The following DHRSX variants were observed in gnomAD, a reference collection of about 807,000 sequenced individuals.
The protein encoded by DHRSX is dehydrogenase/reductase X-linked.
DHRSX carries 31 observed loss-of-function variants against 34.0 expected under a neutral mutation model. The ratio of observed to expected loss-of-function variants is 0.91; its 90% CI spans 0.69 to 1.23. DHRSX has a LOEUF of 1.23. Ranked by LOEUF, DHRSX falls within the 50% of genes most tolerant of loss-of-function variation. DHRSX has a pLI of 0.00. For synonymous variants in DHRSX, 201 were observed against 183.8 expected (o/e 1.09, Z -0.76); for missense variants, 414 against 428.1 (o/e 0.97, Z 0.29).
chrX:2,361,627 G>A (rs1349705748), intron 3 of DHRSX, among the ~76,000 whole-genome samples: 3 of 152,138 alleles, frequency 2.0e-5, no homozygotes. Context: ...GACAAAGAAG[G>A]ATACAGAGAG....
Position 2,485,639 on chromosome X carries a change from GGGAA to G in DHRSX, c.109+15174_109+15177del, listed in dbSNP as rs1242842916. On this transcript the variant is annotated intron_variant, in intron 1 of 6. Coordinates refer to ENST00000334651, the MANE Select transcript of DHRSX (RefSeq NM_145177.3). ...GGGAAGGAAGGAGGGAGGGAGGAGAGGGAAGGAGGGAGGGAGGGATGGGGGAAGG... is the reference window on the plus strand; with the variant it reads ...GGGAAGGAAGGAGGGAGGGAGGAGAGGGAGGGAGGGAGGGATGGGGGAAGG... Among the ~76,000 whole-genome samples, 182 of 92,144 alleles carry G rather than the reference GGGAA, an allele frequency of 2.0e-3. 6 individuals are homozygous for G. The highest frequency in any genetic ancestry group is 8.1e-3 in the African/African-American group (160 of 19,686). The allele number at this position is 92,144 out of a possible 152,430, so 60.5% of individuals were successfully genotyped here.
At chrX:2,458,634 T>C (rs2044346966) in intron 1 of DHRSX, among the ~76,000 whole-genome samples, 1 of 151,762 alleles carries the variant, frequency 6.6e-6, no homozygotes, top group Admixed American at 6.6e-5. Context: ...GCTGAACGCA[T>C]AAACGCAGAG....
rs1183236164 is a variant in DHRSX at position 2,304,171 on chromosome X, T to TGATGGATGGATG, written c.287-12580_287-12569dup. On this transcript the variant is annotated intron_variant, in intron 3 of 6. Coordinates refer to ENST00000334651, the MANE Select transcript of DHRSX (RefSeq NM_145177.3). ...TGGATGGATGGATGGATGGATGAAC[T>TGATGGATGGATG]GATGGATGGATGGATGGATGGATGG... 2.7e-3 allele frequency among the ~76,000 whole-genome samples: 195 copies of TGATGGATGGATG among 72,758 alleles called. 5 individuals carry two copies. The highest frequency in any genetic ancestry group is 9.2e-3 in the African/African-American group (121 of 13,088). 47.7% of individuals were successfully genotyped at this position (72,758 alleles called of 152,430 possible). A position where few individuals can be genotyped will look rare whatever the true frequency, so the allele number is the denominator to read the frequency against.
intron 3 of DHRSX, among the ~76,000 whole-genome samples, chrX:2,304,077 ATGGG>A (rs1364305859): frequency 2.1e-4 from 27 of 128,854 alleles, no homozygotes; most frequent in Non-Finnish European, 3.3e-4. Flanking sequence ...GGATGGATGG[ATGGG>A]TGGGTGGGTG....
At chrX:2,303,984 G>A (rs1265223521) in intron 3 of DHRSX, among the ~76,000 whole-genome samples, 1 of 145,036 alleles carries the variant, frequency 6.9e-6, no homozygotes, top group African/African-American at 2.6e-5. Flanking sequence ...TGGGTGAGTG[G>A]ATGGATGGAT....
At chrX:2,430,222 G>A (rs1340932678) in intron 1 of DHRSX, among the ~76,000 whole-genome samples, 1 of 139,156 alleles carries the variant, frequency 7.2e-6, no homozygotes, top group African/African-American at 2.7e-5. Context: ...TTGTGCCACT[G>A]CACCGCAGCC....
chrX:2,498,056 A>G (rs1157561757), intron 1 of DHRSX, among the ~76,000 whole-genome samples: 8 of 152,198 alleles, frequency 5.3e-5, no homozygotes, highest in Admixed American at 5.2e-4. Context: ...ACCAACATCT[A>G]TGATTAATTT....
At chrX:2,246,742 AAGAAAG>A (rs1440720024) in intron 5 of DHRSX, among the ~76,000 whole-genome samples, 2,537 of 115,766 alleles carry the variant, frequency 0.022, 40 homozygotes, top group Non-Finnish European at 0.039. Flanking sequence ...GAAAGAAAGA[AAGAAAG>A]AAAAAGAAAG....
intron 3 of DHRSX, among the ~76,000 whole-genome samples, chrX:2,294,167 GAC>G (rs979222155): frequency 3.2e-4 from 48 of 152,156 alleles, no homozygotes; most frequent in African/African-American, 1.1e-3. Flanking sequence ...AAGACAAAGA[GAC>G]ACAGTGAGAG....
intron 1 of DHRSX, among the ~76,000 whole-genome samples, chrX:2,482,285 T>C (rs184650888): frequency 1.6e-4 from 25 of 152,080 alleles, no homozygotes; most frequent in Admixed American, 5.9e-4. Context: ...GCACACCTTA[T>C]GTCCAGCTAA....
intron 1 of DHRSX, among the ~76,000 whole-genome samples, chrX:2,466,639 G>C (rs1186586573): frequency 6.6e-6 from 1 of 151,240 alleles, no homozygotes; most frequent in Non-Finnish European, 1.5e-5. Flanking sequence ...GGAGGGTGGA[G>C]GGTGGGAGAA....
Position 2,276,887 on chromosome X carries a change from A to G in DHRSX, c.389-9940T>C, listed in dbSNP as rs113922982. On this transcript the variant is annotated intron_variant, in intron 4 of 6. Transcript: ENST00000334651. ...GGGAGAGAGAAGGAGGGGAGGAAAT[A>G]GGGGAAAGAGAGAAAGAGAGATGGA... Among the ~76,000 whole-genome samples the G allele has an allele frequency of 8.7e-3, 96 of 11,016 alleles. 2 individuals carry two copies. The highest frequency in any genetic ancestry group is 0.039 in the African/African-American group (44 of 1,138). 7.2% of individuals were successfully genotyped at this position (11,016 alleles called of 152,430 possible).
chrX:2,384,856 C>T (rs1301841507), intron 3 of DHRSX, among the ~76,000 whole-genome samples: 4 of 149,480 alleles, frequency 2.7e-5, no homozygotes, highest in South Asian at 2.1e-4. Context: ...CACATGTATA[C>T]GTATGTAACT....
chrX:2,491,100 C>T (rs1437237813), intron 1 of DHRSX, among the ~76,000 whole-genome samples: 5 of 112,680 alleles, frequency 4.4e-5, no homozygotes, highest in African/African-American at 1.4e-4. Context: ...GACAGAGTTT[C>T]GCTCTGTCAC....
Position 2,290,278 on chromosome X carries a change from C to T in DHRSX, c.388+1224G>A, listed in dbSNP as rs761981950. Among the ~76,000 whole-genome samples the T allele has an allele frequency of 2.5e-3, 374 of 152,106 alleles. 1 individual carries two copies. Among genetic ancestry groups the T allele is most frequent in the African/African-American group, 8.3e-3 (346 of 41,506 alleles). On this transcript the variant is annotated intron_variant, in intron 4 of 6. Transcript: ENST00000334651. ...ATTAATGTTATACAAAAACACGAAA[C>T]ACATCAAGACAAAAAGAAAAAAAAA...
chrX:2,446,523 A>G (rs889649124), intron 1 of DHRSX, among the ~76,000 whole-genome samples: 9 of 151,384 alleles, frequency 5.9e-5, no homozygotes, highest in Non-Finnish European at 1.2e-4. Flanking sequence ...GTCCCTAACA[A>G]TGCGGCCAAG....
intron 1 of DHRSX, among the ~76,000 whole-genome samples, chrX:2,478,525 C>T (rs1410883450): frequency 5.8e-5 from 5 of 86,728 alleles, no homozygotes; most frequent in Non-Finnish European, 1.2e-4. Context: ...TCTAAGCATG[C>T]GGCCAAGGGA....
At chrX:2,300,847 A>G (rs1040385259) in intron 3 of DHRSX, among the ~76,000 whole-genome samples, 9 of 152,096 alleles carry the variant, frequency 5.9e-5, no homozygotes, top group Non-Finnish European at 1.0e-4. Flanking sequence ...CTCACCCCCT[A>G]TATCTATCAC....
chrX:2,254,351 C>G (rs1237694080), intron 5 of DHRSX, among the ~76,000 whole-genome samples: 1 of 152,138 alleles, frequency 6.6e-6, no homozygotes, highest in Non-Finnish European at 1.5e-5. Context: ...TAGGGAAACT[C>G]AATCGACTGC....
Sources: allele counts gnomAD v4.1 joint callset (sites outside exome capture counted in the v4.1 genomes callset), GRCh38; gene constraint gnomAD v4.1.1; transcripts MANE v1.5; gene names NCBI Gene and HGNC (gene_info 2026-07-23, HGNC 2026-07-21).